RPF1: variants seen among roughly 807,000 people sequenced by gnomAD.
RPF1 encodes ribosome production factor 1 homolog.
In RPF1, 34 loss-of-function variants were observed where a neutral mutation model predicts 41.9. That is an observed-to-expected ratio of 0.81 (90% CI 0.62 to 1.08). The LOEUF (loss-of-function observed/expected upper bound fraction) is 1.08. Ranked by LOEUF, RPF1 falls within the 50% of genes least tolerant of loss-of-function variation. The pLI, the probability that RPF1 is intolerant of heterozygous loss-of-function variation, is 0.00. For missense variants in RPF1, 425 were observed against 435.2 expected (o/e 0.98, Z 0.21); for synonymous variants, 140 against 148.9 (o/e 0.94, Z 0.43).
intron 1 of RPF1, among the ~76,000 whole-genome samples, chr1:84,480,654 C>G (rs914678066): frequency 6.6e-6 from 1 of 152,154 alleles, no homozygotes; most frequent in Non-Finnish European, 1.5e-5. Context: ...CCATCACATA[C>G]TTTAATTAAT....
intron 5 of RPF1, among the ~76,000 whole-genome samples, chr1:84,493,627 TAA>T (rs952137211): frequency 2.0e-5 from 3 of 151,990 alleles, no homozygotes; most frequent in African/African-American, 7.2e-5. Flanking sequence ...CATCCCTACC[TAA>T]GTTTTAACAG....
chr1:84,490,511 C>T (rs754433380), intron 5 of RPF1, 39 bp downstream of exon 5: 1 of 1,329,080 alleles, frequency 7.5e-7, no homozygotes, highest in South Asian at 1.5e-5. Context: ...CCTGTCCTCT[C>T]CCTCACCCCC....
chr1:84,497,354 T>C, intron 8 of RPF1, 75 bp from the exon 9 acceptor site: 1 of 1,296,846 alleles, frequency 7.7e-7, no homozygotes, highest in Non-Finnish European at 1.1e-6. Flanking sequence ...ACGTTAACTT[T>C]TACTGTCTTA....
Position 84,495,996 on chromosome 1 carries a change from C to CAA in RPF1, c.815_816dup (p.Phe273AsnfsTer43). The CAA allele has an allele frequency of 6.2e-7, 1 of 1,611,782 alleles. No individual in the cohort carries two copies. Among genetic ancestry groups the CAA allele is most frequent in the Non-Finnish European group, 8.5e-7 (1 of 1,177,910 alleles). On this transcript the variant is annotated frameshift_variant, in exon 7 of 9. Coordinates refer to ENST00000370654, the MANE Select transcript of RPF1 (RefSeq NM_025065.7). LOFTEE classifies it high-confidence loss of function. The stretch of plus-strand genomic sequence containing the variant: ...TGCATCTCTCTTTCCTCATAATCCT[C>CAA]AATTTATCGGAAGGCAGGTTGCCAC...
intron 7 of RPF1, 60 bp from the exon 8 acceptor site, chr1:84,496,184 C>T: frequency 6.6e-7 from 1 of 1,520,348 alleles, no homozygotes; most frequent in South Asian, 1.2e-5. Context: ...TCTTTTGAAC[C>T]CTGTCATAAT....
chr1:84,489,873 TATG>T (rs1441761131), intron 4 of RPF1, 145 bp downstream of exon 4: 1 of 601,360 alleles, frequency 1.7e-6, no homozygotes, highest in African/African-American at 1.8e-5. Context: ...GCTCTGGTAA[TATG>T]ATGTAGGTTT....
Position 84,498,132 on chromosome 1 carries a change from T to C in RPF1, c.*662T>C, listed in dbSNP as rs746832571. 3.3e-5 allele frequency among the ~76,000 whole-genome samples: 5 copies of C among 152,174 alleles called. No individual in the cohort carries two copies. Among genetic ancestry groups the C allele is most frequent in the Non-Finnish European group, 7.3e-5 (5 of 68,032 alleles). On this transcript the variant is annotated 3_prime_UTR_variant, in exon 9 of 9. Coordinates refer to ENST00000370654, the MANE Select transcript of RPF1 (RefSeq NM_025065.7). The stretch of plus-strand genomic sequence containing the variant: ...ACTCATGGATGGAAACCCGTAGAAC[T>C]TAACAGCCTCCTCCTGACCTTAAAA...
chr1:84,496,382 T>C lies in RPF1; in HGVS notation c.1008+12T>C, dbSNP rs943559200. On this transcript the variant is annotated intron_variant, in intron 8 of 8. Coordinates refer to ENST00000370654, the MANE Select transcript of RPF1 (RefSeq NM_025065.7). ...AATGGGTCCATAAGGTATGTGCTTA[T>C]TGTTTAAAAAGACTAAGTCATTTTT... 22 of 1,583,938 alleles carry C rather than the reference T, an allele frequency of 1.4e-5. No individual in the cohort carries two copies. Among genetic ancestry groups the C allele is most frequent in the South Asian group, 2.3e-5 (2 of 86,394 alleles).
Position 84,496,232 on chromosome 1 carries a change from T to C in RPF1, c.882-12T>C, listed in dbSNP as rs1045337946. The C allele has an allele frequency of 8.7e-6, 14 of 1,607,196 alleles. No homozygotes were observed. Among genetic ancestry groups the C allele is most frequent in the Non-Finnish European group, 1.1e-5 (13 of 1,177,122 alleles). ...CTCATTCAGACTAATTTAACTCTTTTTGTCTTTGAAGATACATATTCAGGA... is the reference window on the plus strand; with the variant it reads ...CTCATTCAGACTAATTTAACTCTTTCTGTCTTTGAAGATACATATTCAGGA... On this transcript the variant is annotated splice_polypyrimidine_tract_variant and intron_variant, in intron 7 of 8. Transcript: ENST00000370654.
chr1:84,479,777 C>T (rs1404843902), intron 1 of RPF1, among the ~76,000 whole-genome samples: 2 of 152,172 alleles, frequency 1.3e-5, no homozygotes, highest in Non-Finnish European at 1.5e-5. Context: ...GCTGTAAGGC[C>T]AGTTGGCTTA....
At position 84,479,293 on chromosome 1, in the gene RPF1, C is replaced by G; in HGVS notation, c.12C>G (p.Ala4=). The part of the protein sequence containing the change: MAK[A]GDKSSSSGKK... ...AAGGAGCCAAGACCATGGCGAAAGC[C>G]GGGGATAAGAGCAGCAGCAGCGGGA... Residue 4 remains alanine (A), a synonymous_variant, in exon 1 of 9, where the codon GCC becomes GCG. Coordinates refer to ENST00000370654, the MANE Select transcript of RPF1 (RefSeq NM_025065.7). 1 of 1,599,236 alleles carries G rather than the reference C, an allele frequency of 6.3e-7. No homozygotes were observed. The highest frequency in any genetic ancestry group is 8.5e-7 in the Non-Finnish European group (1 of 1,173,280).
Position 84,482,949 on chromosome 1 carries a change from A to T in RPF1, c.320A>T (p.Asn107Ile), listed in dbSNP as rs767267951. 3 of 1,612,396 alleles carry T rather than the reference A, an allele frequency of 1.9e-6. No homozygotes were observed. Among genetic ancestry groups the T allele is most frequent in the Non-Finnish European group, 2.5e-6 (3 of 1,178,484 alleles). ...AAGCCTGTACCCAAGACCATTGACA[A>T]CCAGCGAGTGTATGATGAAACCACA... ...PPKPVPKTID[N>I]QRVYDETTVD... is the part of the protein sequence containing the mutation. The change falls in exon 3 of 9, where the codon AAC (asparagine) becomes ATC (isoleucine). Residue 107 changes from asparagine (N) to isoleucine (I), a missense_variant. Transcript: ENST00000370654.
chr1:84,488,687 T>G (rs2101884901), intron 3 of RPF1, among the ~76,000 whole-genome samples: 1 of 152,248 alleles, frequency 6.6e-6, no homozygotes, highest in African/African-American at 2.4e-5. Context: ...TCACTAGAGA[T>G]AGATTATTAT....
In RPF1 at chr1:84,480,834, A is replaced by C. The variant is rs562555078; in HGVS notation, c.229-122A>C. The stretch of plus-strand genomic sequence containing the variant: ...AACTCCACGTCCAGATGCTTATTTC[A>C]ATAGATTACAAAGACCGCCCAGTTC... On this transcript the variant is annotated intron_variant, in intron 1 of 8. Transcript: ENST00000370654. 4.0e-4 allele frequency: 225 copies of C among 561,984 alleles called. 1 individual carries two copies. The highest frequency in any genetic ancestry group is 6.4e-6 in the Non-Finnish European group (2 of 311,892). 34.8% of individuals were successfully genotyped at this position (561,984 alleles called of 1,614,324 possible). A position where few individuals can be genotyped will look rare whatever the true frequency, so the allele number is the denominator to read the frequency against.
intron 5 of RPF1, among the ~76,000 whole-genome samples, chr1:84,493,525 G>T (rs1181310025): frequency 6.6e-6 from 1 of 151,780 alleles, no homozygotes; most frequent in Non-Finnish European, 1.5e-5. Flanking sequence ...GAGAGGTTGA[G>T]GCTGCAGTGA....
Position 84,489,674 on chromosome 1 carries a change from CAACA to C in RPF1, c.413_416del (p.Lys138ArgfsTer42). ...CTACAGATGAATTTGCTTCTTACTTCAACAAACAGACTTCTCCCAAGATTCTCAT... is the reference window on the plus strand; with the variant it reads ...CTACAGATGAATTTGCTTCTTACTTCAACAGACTTCTCCCAAGATTCTCAT... On this transcript the variant is annotated frameshift_variant, in exon 4 of 9. Coordinates refer to ENST00000370654, the MANE Select transcript of RPF1 (RefSeq NM_025065.7). LOFTEE classifies it high-confidence loss of function. 4 of 1,610,164 alleles carry C rather than the reference CAACA, an allele frequency of 2.5e-6. No individual in the cohort carries two copies. The highest frequency in any genetic ancestry group is 3.3e-5 in the Admixed American group (2 of 59,998).
intron 5 of RPF1, among the ~76,000 whole-genome samples, chr1:84,494,376 C>G (rs923032887): frequency 2.0e-5 from 3 of 152,204 alleles, no homozygotes; most frequent in African/African-American, 4.8e-5. Context: ...ATGGCAACAT[C>G]TGCTTTGAAA....
intron 1 of RPF1, among the ~76,000 whole-genome samples, chr1:84,479,972 G>GT (rs1305282903): frequency 1.3e-5 from 2 of 152,198 alleles, no homozygotes; most frequent in Non-Finnish European, 2.9e-5. Flanking sequence ...TCTGGTAATT[G>GT]TATTTGTTCT....
intron 2 of RPF1, among the ~76,000 whole-genome samples, chr1:84,481,896 T>G (rs914017619): frequency 6.6e-6 from 1 of 152,228 alleles, no homozygotes; most frequent in African/African-American, 2.4e-5. Flanking sequence ...ACTCTACTAT[T>G]TCATACATTC....
Sources: allele counts gnomAD v4.1 joint callset (sites outside exome capture counted in the v4.1 genomes callset), GRCh38; gene constraint gnomAD v4.1.1; transcripts MANE v1.5; gene names NCBI Gene and HGNC (gene_info 2026-07-23, HGNC 2026-07-21).